The following PDE7A variants were observed in gnomAD, a reference collection of about 807,000 sequenced individuals.
PDE7A encodes phosphodiesterase 7A.
In PDE7A, 39 loss-of-function variants were observed where a neutral mutation model predicts 64.3. That is an observed-to-expected ratio of 0.61 (90% confidence interval 0.47 to 0.79). The LOEUF is 0.79. PDE7A is among the 30% of genes least tolerant of loss of function. The pLI is 0.00. For missense variants in PDE7A, 470 were observed against 582.8 expected (o/e 0.81, Z 1.99); for synonymous variants, 203 against 206.8 (o/e 0.98, Z 0.16).
chr8:65,778,472 T>A (rs1205335943), intron 3 of PDE7A, among the ~76,000 whole-genome samples: 2 of 152,114 alleles, frequency 1.3e-5, no homozygotes, highest in African/African-American at 4.8e-5. Flanking sequence ...TTTTAAGCTG[T>A]CTGAACCATT....
intron 7 of PDE7A, among the ~76,000 whole-genome samples, chr8:65,732,171 G>A (rs542776698): frequency 2.0e-5 from 3 of 151,196 alleles, no homozygotes; most frequent in African/African-American, 7.3e-5. Context: ...GCTAATTTTT[G>A]TATTTTTAGT....
chr8:65,793,000 A>G (rs1021134180), intron 1 of PDE7A, among the ~76,000 whole-genome samples: 2 of 148,522 alleles, frequency 1.3e-5, no homozygotes, highest in Admixed American at 6.7e-5. Context: ...ATAAAGAAGT[A>G]AAAAAAAAAA....
At position 65,717,564 on chromosome 8, in the gene PDE7A, A is replaced by C. The variant is rs534811909; in HGVS notation, c.*1726T>G. On this transcript the variant is annotated 3_prime_UTR_variant, in exon 13 of 13. Coordinates refer to ENST00000401827, the MANE Select transcript of PDE7A (RefSeq NM_001242318.3). ...GTGAGTCATTAGTAGATAAGCTCGG[A>C]CTGAGTAAACATCTGAGGGATGAAT... The C allele has an allele frequency of 5.3e-5, 8 of 152,356 alleles. No homozygotes were observed. In the South Asian group the frequency reaches 1.2e-3, roughly 24 times the overall value. 9.4% of individuals were successfully genotyped at this position (152,356 alleles called of 1,614,324 possible).
chr8:65,777,397 T>C (rs1310037779), intron 3 of PDE7A, among the ~76,000 whole-genome samples: 3 of 151,972 alleles, frequency 2.0e-5, no homozygotes, highest in Non-Finnish European at 4.4e-5. Context: ...ATTAATATAG[T>C]GAATTACACT....
At chr8:65,826,833 T>G (rs1182493687) in intron 1 of PDE7A, among the ~76,000 whole-genome samples, 1 of 152,142 alleles carries the variant, frequency 6.6e-6, no homozygotes. Flanking sequence ...ATGCTCCCTT[T>G]GAAGGCTTTA....
intron 3 of PDE7A, among the ~76,000 whole-genome samples, chr8:65,772,545 G>C (rs376614688): frequency 6.6e-5 from 10 of 152,194 alleles, no homozygotes; most frequent in Admixed American, 2.0e-4. Flanking sequence ...GGACAACTTT[G>C]CCTCCAGGTA....
chr8:65,783,981 T>C (rs961966797), intron 1 of PDE7A, among the ~76,000 whole-genome samples: 15 of 151,972 alleles, frequency 9.9e-5, no homozygotes, highest in Admixed American at 3.3e-4. Flanking sequence ...TCCCAACATT[T>C]AGAACAGTGC....
At chr8:65,818,232 T>C (rs1210158254) in intron 1 of PDE7A, among the ~76,000 whole-genome samples, 1 of 152,234 alleles carries the variant, frequency 6.6e-6, no homozygotes, top group East Asian at 1.9e-4. Flanking sequence ...TTTTTCCTCG[T>C]GTATGCGTCA....
At chr8:65,740,168 TG>T (rs1289158700) in intron 5 of PDE7A, among the ~76,000 whole-genome samples, 2 of 66,670 alleles carry the variant, frequency 3.0e-5, no homozygotes, top group Non-Finnish European at 5.9e-5. Context: ...GAGAGTTGCT[TG>T]GGGGGGTGGG....
At chr8:65,751,121 C>CA (rs1485382945) in intron 3 of PDE7A, among the ~76,000 whole-genome samples, 4 of 152,174 alleles carry the variant, frequency 2.6e-5, no homozygotes. Flanking sequence ...GTGTTTTCTT[C>CA]ACCTACAGGG....
Position 65,724,395 on chromosome 8 carries a change from T to C in PDE7A, c.1066-44A>G, listed in dbSNP as rs73690899. 2,209 of 1,293,282 alleles carry C rather than the reference T, an allele frequency of 1.7e-3. 21 individuals carry two copies. In the African/African-American group the frequency reaches 0.025, roughly 15 times the overall value. The allele number at this position is 1,293,282 out of a possible 1,614,324, so 80.1% of individuals were successfully genotyped here. A position where few individuals can be genotyped will look rare whatever the true frequency, so the allele number is the denominator to read the frequency against. On this transcript the variant is annotated intron_variant, in intron 10 of 12. Coordinates refer to ENST00000401827, the MANE Select transcript of PDE7A (RefSeq NM_001242318.3). ...ATATTGTTTTAAGATATATACACACTTGACAATAATACCAAAGAACCAAGT... is the reference window on the plus strand; with the variant it reads ...ATATTGTTTTAAGATATATACACACCTGACAATAATACCAAAGAACCAAGT...
chr8:65,838,145 A>T (rs1810994195), intron 1 of PDE7A, among the ~76,000 whole-genome samples: 1 of 152,238 alleles, frequency 6.6e-6, no homozygotes, highest in Non-Finnish European at 1.5e-5. Context: ...TGCATAGAAA[A>T]TCTGACTGAA....
intron 1 of PDE7A, among the ~76,000 whole-genome samples, chr8:65,793,153 C>G (rs1809745745): frequency 6.6e-6 from 1 of 152,130 alleles, no homozygotes; most frequent in African/African-American, 2.4e-5. Context: ...CCTAGTTGAA[C>G]AAACACACCC....
intron 7 of PDE7A, among the ~76,000 whole-genome samples, chr8:65,730,610 C>T (rs571379610): frequency 3.9e-5 from 6 of 152,188 alleles, no homozygotes; most frequent in East Asian, 3.9e-4. Context: ...AAAAGGTTGG[C>T]GGCCACTGCT....
At chr8:65,741,309 T>C (rs757917617) in intron 5 of PDE7A, among the ~76,000 whole-genome samples, 36 of 152,214 alleles carry the variant, frequency 2.4e-4, no homozygotes, top group Non-Finnish European at 2.1e-4. Context: ...TTCTCTCGTC[T>C]ATGATGACTC....
intron 1 of PDE7A, among the ~76,000 whole-genome samples, chr8:65,831,429 C>T (rs1225951311): frequency 1.3e-5 from 2 of 152,082 alleles, no homozygotes; most frequent in African/African-American, 4.8e-5. Flanking sequence ...ATACTTTTTA[C>T]CTCCCAAAGC....
intron 3 of PDE7A, among the ~76,000 whole-genome samples, chr8:65,777,807 C>T (rs1456823294): frequency 6.6e-6 from 1 of 152,132 alleles, no homozygotes; most frequent in Non-Finnish European, 1.5e-5. Flanking sequence ...CTCCACTACC[C>T]CTCATTACTT....
intron 1 of PDE7A, among the ~76,000 whole-genome samples, chr8:65,792,496 C>T (rs1809728370): frequency 6.6e-6 from 1 of 152,230 alleles, no homozygotes; most frequent in Non-Finnish European, 1.5e-5. Context: ...GCTATCCATA[C>T]AGAGACTCGG....
chr8:65,716,642 G>C lies in PDE7A; in HGVS notation c.*2648C>G, dbSNP rs1806154601. On this transcript the variant is annotated 3_prime_UTR_variant, in exon 13 of 13. Transcript: ENST00000401827. ...GGCTTCCCAGGAAGATTTGCCTAAA[G>C]GGAGAGAATAATTGATAGTTACATT... 2.0e-5 allele frequency among the ~76,000 whole-genome samples: 3 copies of C among 152,146 alleles called. No homozygotes were observed. The highest frequency in any genetic ancestry group is 7.2e-5 in the African/African-American group (3 of 41,440).
Sources: allele counts gnomAD v4.1 joint callset (sites outside exome capture counted in the v4.1 genomes callset), GRCh38; gene constraint gnomAD v4.1.1; transcripts MANE v1.5; gene names NCBI Gene and HGNC (gene_info 2026-07-23, HGNC 2026-07-21).